HEATR6: variants seen among roughly 807,000 people sequenced by gnomAD.
HEATR6 encodes HEAT repeat containing 6, also known as HEAT repeat-containing protein 6.
HEATR6 carries 106 observed loss-of-function variants against 132.8 expected under a neutral mutation model. That is an observed-to-expected ratio of 0.80 (90% CI 0.68 to 0.94). HEATR6 has a LOEUF of 0.94. HEATR6 is among the 40% of genes least tolerant of loss of function. The pLI, the probability that HEATR6 is intolerant of heterozygous loss-of-function variation, is 0.00. For missense variants in HEATR6, 1,339 were observed against 1,425.1 expected, an observed-to-expected ratio of 0.94 and a Z score of 0.97; for synonymous variants, 529 against 537.8, an observed-to-expected ratio of 0.98 and a Z score of 0.23.
chr17:60,046,275 TG>T, intron 18 of HEATR6, 46 bp from the exon 19 acceptor site: 1 of 1,486,312 alleles, frequency 6.7e-7, no homozygotes, highest in Admixed American at 2.0e-5. Flanking sequence ...GCCAAAGAGA[TG>T]TTTCCAAAAG....
In HEATR6 at chr17:60,073,170, C is replaced by A; in HGVS notation, c.578G>T (p.Cys193Phe). ...RAAVHCMANL[C>F]LSVPGQPYLE... The stretch of plus-strand genomic sequence containing the variant: ...CTTGACTGGAGCCACATACCTGAGA[C>A]ATAAGTTTGCCATACAATGTACTGC... Residue 193 changes from cysteine (C) to phenylalanine (F), a missense_variant, in exon 4 of 20, where the codon TGT becomes TTT. By Grantham distance (205) the Cys-to-Phe change is radical. Coordinates refer to ENST00000184956, the MANE Select transcript of HEATR6 (RefSeq NM_022070.5). 1 of 1,591,284 alleles carries A rather than the reference C, an allele frequency of 6.3e-7. No individual in the cohort carries two copies.
intron 7 of HEATR6, among the ~76,000 whole-genome samples, chr17:60,069,374 G>C (rs1286829080): frequency 3.3e-5 from 5 of 152,252 alleles, no homozygotes; most frequent in Admixed American, 3.3e-4. Flanking sequence ...AGTTATGACA[G>C]AGACCTGAAG....
At chr17:60,078,015 C>T (rs547272929) in intron 1 of HEATR6, among the ~76,000 whole-genome samples, 76 of 152,252 alleles carry the variant, frequency 5.0e-4, no homozygotes, top group Non-Finnish European at 2.5e-4. Context: ...GACGGGAATG[C>T]GTGTTTGGAG....
intron 18 of HEATR6, among the ~76,000 whole-genome samples, 158 bp downstream of exon 18, chr17:60,047,151 G>A (rs770005695): frequency 3.9e-5 from 6 of 152,062 alleles, no homozygotes; most frequent in Admixed American, 1.3e-4. Flanking sequence ...CGTGTGGAAT[G>A]GGCCATTTAT....
intron 5 of HEATR6, among the ~76,000 whole-genome samples, 194 bp from the exon 6 acceptor site, chr17:60,071,001 T>C (rs1338073966): frequency 6.6e-6 from 1 of 152,166 alleles, no homozygotes; most frequent in Non-Finnish European, 1.5e-5. Flanking sequence ...CCATGAATTC[T>C]TTTCTAGAAG....
At position 60,041,030 on chromosome 17, in the gene HEATR6, CTTAAG is replaced by C. The variant is rs753829508; in HGVS notation, c.*2528_*2532del. Among the ~76,000 whole-genome samples the C allele has an allele frequency of 2.0e-5, 3 of 152,316 alleles. No homozygotes were observed. Among genetic ancestry groups the C allele is most frequent in the Admixed American group, 6.5e-5 (1 of 15,286 alleles). On this transcript the variant is annotated 3_prime_UTR_variant, in exon 20 of 20. Transcript: ENST00000184956. ...GGAGCTGTGTGCTGATTTTCATCAG[CTTAAG>C]TTGTCTTTATTGTCAGTGGCTTCCT...
chr17:60,066,296 C>G lies in HEATR6; in HGVS notation c.1329G>C (p.Trp443Cys). Residue 443 changes from tryptophan to cysteine, a missense_variant, in exon 9 of 20, where the codon TGG (tryptophan) becomes TGC (cysteine). Physicochemically the swap from Trp to Cys is radical, Grantham distance 215. Coordinates refer to ENST00000184956, the MANE Select transcript of HEATR6 (RefSeq NM_022070.5). Reference protein sequence around the residue: ...SIEKKVLYGYWSAFIPDTPEL... With the variant: ...SIEKKVLYGYCSAFIPDTPEL... ...CAGGCGTATCAGGAATAAAAGCTGA[C>G]CAGTAGCCATAAAGAACTTTTTTTT... 3 of 1,613,764 alleles carry G rather than the reference C, an allele frequency of 1.9e-6. No individual in the cohort carries two copies. The highest frequency in any genetic ancestry group is 2.5e-6 in the Non-Finnish European group (3 of 1,179,790).
chr17:60,048,374 A>C lies in HEATR6; in HGVS notation c.2562T>G (p.Val854=), dbSNP rs1215113074. Reference sequence around the variant, plus strand: ...TCAATATTGCATTTGCTGCGTCTGCAACAAATATGACATCCTGTAACACAA... The same window carrying C: ...TCAATATTGCATTTGCTGCGTCTGCCACAAATATGACATCCTGTAACACAA... ...FPCLRQDVIF[V]ADAANAILMS... Residue 854 remains valine (V), a synonymous_variant, in exon 17 of 20, where the codon GTT becomes GTG. Transcript: ENST00000184956. 1 of 1,611,998 alleles carries C rather than the reference A, an allele frequency of 6.2e-7. No homozygotes were observed. Among genetic ancestry groups the C allele is most frequent in the East Asian group, 2.2e-5 (1 of 44,870 alleles).
rs1229589522 is a variant in HEATR6 at position 60,048,992 on chromosome 17, A to G, written c.2547+588T>C. On this transcript the variant is annotated intron_variant, in intron 16 of 19. Transcript: ENST00000184956. Reference sequence around the variant, plus strand: ...AATAACATATATATATAATATATATATATATATATATATATATATATATAT... The same window carrying G: ...AATAACATATATATATAATATATATGTATATATATATATATATATATATAT... Among the ~76,000 whole-genome samples the G allele has an allele frequency of 4.4e-3, 568 of 128,796 alleles. 6 individuals carry two copies. The highest frequency in any genetic ancestry group is 8.7e-3 in the East Asian group (39 of 4,460). 84.5% of individuals were successfully genotyped at this position (128,796 alleles called of 152,430 possible). A position where few individuals can be genotyped will look rare whatever the true frequency, so the allele number is the denominator to read the frequency against.
intron 9 of HEATR6, among the ~76,000 whole-genome samples, chr17:60,061,466 G>T (rs1199748756): frequency 6.6e-6 from 1 of 152,194 alleles, no homozygotes; most frequent in Admixed American, 6.5e-5. Context: ...ACACAAGTCA[G>T]CTGATCCAAA....
rs1453855732 is a variant in HEATR6, at chr17:60,078,774, G to A, written c.141C>T (p.Ser47=). 10 of 1,579,494 alleles carry A rather than the reference G, an allele frequency of 6.3e-6. No homozygotes were observed. The highest frequency in any genetic ancestry group is 7.7e-6 in the Non-Finnish European group (9 of 1,164,084). The change falls in exon 1 of 20, where the codon TCC becomes TCT. Residue 47 remains serine (S), a synonymous_variant. Coordinates refer to ENST00000184956, the MANE Select transcript of HEATR6 (RefSeq NM_022070.5). ...LCALRPDDSS[S]ARTEIHLLFD... is the part of the protein sequence containing the mutation. ...AGAGCAGGTGGATCTCGGTGCGGGC[G>A]GAGCTGCTGTCATCCGGGCGCAGGG...
At chr17:60,057,010 T>C in intron 12 of HEATR6, 38 bp downstream of exon 12, 1 of 1,440,056 alleles carries the variant, frequency 6.9e-7, no homozygotes, top group Non-Finnish European at 9.5e-7. Context: ...GAGGAATGGT[T>C]ACTTCCATTT....
chr17:60,072,392 CTAAT>C (rs2145201307), intron 4 of HEATR6, 63 bp from the exon 5 acceptor site: 1 of 862,220 alleles, frequency 1.2e-6, no homozygotes, highest in South Asian at 1.7e-5. Flanking sequence ...TTGCAAAAGA[CTAAT>C]TAAAAATAGC....
chr17:60,053,046 T>C (rs1248277638), intron 14 of HEATR6, among the ~76,000 whole-genome samples: 1 of 152,160 alleles, frequency 6.6e-6, no homozygotes, highest in Non-Finnish European at 1.5e-5. Context: ...CCAAATCTCA[T>C]GTTGACATGT....
chr17:60,074,928 G>A (rs911768883), intron 2 of HEATR6, among the ~76,000 whole-genome samples: 1 of 152,214 alleles, frequency 6.6e-6, no homozygotes, highest in African/African-American at 2.4e-5. Context: ...GCTGCACATT[G>A]TAAGCATCAA....
chr17:60,057,781 C>T (rs1280485694), intron 11 of HEATR6, among the ~76,000 whole-genome samples: 1 of 152,080 alleles, frequency 6.6e-6, no homozygotes, highest in Admixed American at 6.5e-5. Flanking sequence ...CTTGAATGAA[C>T]CCCGGATTTT....
At chr17:60,072,022 A>G (rs1391695367) in intron 5 of HEATR6, among the ~76,000 whole-genome samples, 193 bp downstream of exon 5, 1 of 152,256 alleles carries the variant, frequency 6.6e-6, no homozygotes, top group African/African-American at 2.4e-5. Context: ...ATTGCAAAAT[A>G]TAACAAATAA....
intron 7 of HEATR6, among the ~76,000 whole-genome samples, chr17:60,068,345 T>C (rs940158285): frequency 2.0e-5 from 3 of 151,948 alleles, no homozygotes; most frequent in African/African-American, 7.3e-5. Context: ...TATCCAAGTA[T>C]ATCTGGAATC....
At chr17:60,073,986 G>C (rs992966044) in intron 2 of HEATR6, 100 bp from the exon 3 acceptor site, 10 of 1,470,342 alleles carry the variant, frequency 6.8e-6, no homozygotes, top group Non-Finnish European at 8.1e-6. Context: ...ATAAAAGAGA[G>C]AGTGTGTGTC....
Sources: gnomAD v4.1 joint callset for allele counts (sites outside exome capture counted in the v4.1 genomes callset) on GRCh38, gnomAD v4.1.1 for gene constraint, MANE v1.5 for transcripts, NCBI Gene and HGNC (gene_info 2026-07-23, HGNC 2026-07-21) for gene names.